Variants in PLCB1 observed in about 807,000 individuals in gnomAD.
PLCB1 encodes phospholipase C beta 1.
A neutral mutation model predicts 161.8 loss-of-function variants in PLCB1; 46 were observed. The ratio of observed to expected loss-of-function variants is 0.28; its 90% confidence interval spans 0.22 to 0.36. The LOEUF (loss-of-function observed/expected upper bound fraction) is 0.36, where lower values mean the gene tolerates loss of function less well. Among genes scored for constraint, PLCB1 ranks in the 10% least tolerant of loss-of-function variants. PLCB1 has a pLI of 1.00. For synonymous variants in PLCB1, 517 were observed against 503.7 expected, an observed-to-expected ratio of 1.03 and a Z score of -0.35; for missense variants, 1,016 against 1,472.5, an observed-to-expected ratio of 0.69 and a Z score of 5.07.
At chr20:8,653,162 C>T (rs928374420) in intron 7 of PLCB1, 1 of 152,122 alleles carries the variant, frequency 6.6e-6, no homozygotes, top group African/African-American at 2.4e-5. Flanking sequence ...GGAATAAACC[C>T]ATGTATTTGT....
chr20:8,810,531 T>C (rs915939410), intron 31 of PLCB1, among the ~76,000 whole-genome samples: 6 of 152,168 alleles, frequency 3.9e-5, no homozygotes, highest in Non-Finnish European at 7.3e-5. Flanking sequence ...TTTAGAATCA[T>C]GAATTTAGAT....
chr20:8,150,962 A>G (rs952660498), intron 2 of PLCB1, among the ~76,000 whole-genome samples: 8 of 152,204 alleles, frequency 5.3e-5, no homozygotes, highest in African/African-American at 1.9e-4. Flanking sequence ...TATGAAGCCA[A>G]TTGATGATTC....
At chr20:8,523,494 C>T (rs373799789) in intron 3 of PLCB1, among the ~76,000 whole-genome samples, 1 of 49,584 alleles carries the variant, frequency 2.0e-5, no homozygotes, top group Non-Finnish European at 4.3e-5. Context: ...CTCTCTCTCT[C>T]TCTATATATA....
At chr20:8,269,238 C>T (rs899556119) in intron 2 of PLCB1, among the ~76,000 whole-genome samples, 2 of 152,068 alleles carry the variant, frequency 1.3e-5, no homozygotes, top group Non-Finnish European at 2.9e-5. Context: ...TACCCCATCC[C>T]CCCAACCCCT....
At chr20:8,864,240 A>G (rs960346762) in intron 31 of PLCB1, among the ~76,000 whole-genome samples, 3 of 152,222 alleles carry the variant, frequency 2.0e-5, no homozygotes, top group Non-Finnish European at 4.4e-5. Context: ...ACTGGCATTC[A>G]GTAATATCCA....
chr20:8,517,359 C>T (rs575695543), intron 3 of PLCB1, among the ~76,000 whole-genome samples: 51 of 152,250 alleles, frequency 3.3e-4, no homozygotes, highest in African/African-American at 1.2e-3. Flanking sequence ...CCCTTATTAA[C>T]CCCAATAAGG....
At chr20:8,523,768 C>A (rs776327639) in intron 3 of PLCB1, among the ~76,000 whole-genome samples, 1 of 151,348 alleles carries the variant, frequency 6.6e-6, no homozygotes, top group African/African-American at 2.4e-5. Flanking sequence ...CAGATCATTG[C>A]GCATTGGGAG....
At chr20:8,461,034 C>T (rs1981552898) in intron 3 of PLCB1, among the ~76,000 whole-genome samples, 1 of 152,124 alleles carries the variant, frequency 6.6e-6, no homozygotes, top group South Asian at 2.1e-4. Context: ...GTGGCCAGTG[C>T]AACTCAGGAA....
At chr20:8,320,897 GAAGAAGAA>G in intron 2 of PLCB1, among the ~76,000 whole-genome samples, 1 of 146,902 alleles carries the variant, frequency 6.8e-6, no homozygotes, top group South Asian at 2.2e-4. Context: ...AAGAAAGAGA[GAAGAAGAA>G]AAGAAGAAGA....
chr20:8,785,732 C>T (rs6039267), intron 27 of PLCB1, among the ~76,000 whole-genome samples: 1 of 151,932 alleles, frequency 6.6e-6, no homozygotes. Flanking sequence ...TCTGTGAGTT[C>T]TCCAGCTTAG....
At chr20:8,801,855 C>T (rs573906461) in intron 31 of PLCB1, among the ~76,000 whole-genome samples, 179 of 152,100 alleles carry the variant, frequency 1.2e-3, no homozygotes, top group Admixed American at 2.2e-3. Flanking sequence ...GAACTCAATG[C>T]CAATTCCATT....
At chr20:8,492,684 C>T (rs1234249682) in intron 3 of PLCB1, among the ~76,000 whole-genome samples, 13 of 151,992 alleles carry the variant, frequency 8.6e-5, no homozygotes, top group Admixed American at 8.5e-4. Flanking sequence ...ATAATGTAAA[C>T]ATAAGTCAGG....
intron 3 of PLCB1, among the ~76,000 whole-genome samples, chr20:8,575,790 G>A (rs1316663791): frequency 1.3e-5 from 2 of 152,194 alleles, no homozygotes; most frequent in Admixed American, 6.5e-5. Context: ...TCACGTAAGA[G>A]TTGATATCCA....
At chr20:8,206,041 C>A (rs1262736913) in intron 2 of PLCB1, among the ~76,000 whole-genome samples, 4 of 152,078 alleles carry the variant, frequency 2.6e-5, no homozygotes, top group African/African-American at 9.7e-5. Context: ...CTTAAATTCA[C>A]CTGTTCGATA....
At chr20:8,620,747 C>CAAAAAAA (rs779029928) in intron 3 of PLCB1, among the ~76,000 whole-genome samples, 3 of 75,240 alleles carry the variant, frequency 4.0e-5, no homozygotes, top group African/African-American at 1.6e-4. Flanking sequence ...CTGCCCCCAC[C>CAAAAAAA]AAAAAAAAAA....
intron 3 of PLCB1, among the ~76,000 whole-genome samples, chr20:8,604,135 C>G (rs904940518): frequency 3.4e-4 from 52 of 151,450 alleles, no homozygotes; most frequent in African/African-American, 1.2e-3. Flanking sequence ...TGCCTGTAAT[C>G]CTAGCTACTT....
chr20:8,613,945 A>G (rs1987974624), intron 3 of PLCB1, among the ~76,000 whole-genome samples: 1 of 145,932 alleles, frequency 6.9e-6, no homozygotes, highest in South Asian at 2.2e-4. Flanking sequence ...TGAAAAAAAT[A>G]TTACAACATA....
intron 11 of PLCB1, among the ~76,000 whole-genome samples, chr20:8,703,246 A>G (rs1176799338): frequency 1.3e-5 from 2 of 152,184 alleles, no homozygotes; most frequent in Non-Finnish European, 2.9e-5. Flanking sequence ...ACCCTACTTA[A>G]TACACAAATA....
intron 10 of PLCB1, among the ~76,000 whole-genome samples, chr20:8,691,159 A>G (rs904253975): frequency 1.3e-5 from 2 of 152,166 alleles, no homozygotes; most frequent in Non-Finnish European, 2.9e-5. Context: ...AGATGAAACT[A>G]ATGTAGAAGT....
Sources: allele counts gnomAD v4.1 joint callset (sites outside exome capture counted in the v4.1 genomes callset), GRCh38; gene constraint gnomAD v4.1.1; transcripts MANE v1.5; gene names NCBI Gene and HGNC (gene_info 2026-07-23, HGNC 2026-07-21).